CARMIL1: variants seen among roughly 807,000 people sequenced by gnomAD.
CARMIL1 encodes the protein F-actin-uncapping protein LRRC16A.
A neutral mutation model predicts 177.1 loss-of-function variants in CARMIL1; 90 were observed. The ratio of observed to expected loss-of-function variants is 0.51; its 90% confidence interval spans 0.43 to 0.61. The LOEUF is 0.61. Ranked by LOEUF, CARMIL1 falls within the 20% of genes least tolerant of loss-of-function variation. The pLI is 0.00. For missense variants in CARMIL1, 1,380 were observed against 1,667.0 expected (o/e 0.83, Z 3.00); for synonymous variants, 577 against 606.2 (o/e 0.95, Z 0.71).
intron 26 of CARMIL1, among the ~76,000 whole-genome samples, chr6:25,542,191 T>C (rs1234080746): frequency 6.6e-6 from 1 of 152,206 alleles, no homozygotes; most frequent in Admixed American, 6.5e-5. Context: ...TAATTGTCAT[T>C]TCAGCTGGTC....
intron 2 of CARMIL1, among the ~76,000 whole-genome samples, chr6:25,417,358 C>T (rs946126421): frequency 3.9e-5 from 6 of 152,170 alleles, no homozygotes; most frequent in Admixed American, 3.9e-4. Flanking sequence ...CTGTGTGTCT[C>T]ATGCAACAAA....
At chr6:25,546,669 C>CAAAAAAAAAAA (rs58285338) in intron 26 of CARMIL1, among the ~76,000 whole-genome samples, 2 of 115,482 alleles carry the variant, frequency 1.7e-5, no homozygotes, top group Non-Finnish European at 3.6e-5. Flanking sequence ...ACAACAACAA[C>CAAAAAAAAAAA]AAAAAAAAAA....
chr6:25,415,934 G>A (rs9366623), intron 2 of CARMIL1, among the ~76,000 whole-genome samples: 16,248 of 151,814 alleles, frequency 0.11, 989 homozygotes, highest in East Asian at 0.23. Flanking sequence ...GGAGCAAGAC[G>A]GGGTGGAGTG....
At chr6:25,571,414 T>G (rs1812053310) in intron 29 of CARMIL1, among the ~76,000 whole-genome samples, 1 of 152,178 alleles carries the variant, frequency 6.6e-6, no homozygotes, top group Non-Finnish European at 1.5e-5. Flanking sequence ...TTCAGAGGAA[T>G]GGCACCTAAT....
Position 25,577,845 on chromosome 6 carries a change from G to C in CARMIL1, c.2743-3079G>C, listed in dbSNP as rs140560181. Reference sequence around the variant, plus strand: ...TGGATTCTCAGAAAATAGAGTTGTGGCCTTTTTGTTCACAGTGTCTGCCAC... The same window carrying C: ...TGGATTCTCAGAAAATAGAGTTGTGCCCTTTTTGTTCACAGTGTCTGCCAC... On this transcript the variant is annotated intron_variant, in intron 29 of 36. Coordinates refer to ENST00000329474, the MANE Select transcript of CARMIL1 (RefSeq NM_017640.6). The surrounding 1 kb of genome is among the most constrained non-coding windows in gnomAD (Gnocchi z 4.5). Among the ~76,000 whole-genome samples the C allele has an allele frequency of 1.3e-5, 2 of 152,044 alleles. No homozygotes were observed. Among genetic ancestry groups the C allele is most frequent in the African/African-American group, 4.8e-5 (2 of 41,406 alleles).
intron 2 of CARMIL1, among the ~76,000 whole-genome samples, chr6:25,396,117 C>G (rs1793364532): frequency 6.6e-6 from 1 of 152,026 alleles, no homozygotes. Flanking sequence ...TTTGACAGCA[C>G]TACCTGGAGG....
intron 12 of CARMIL1, among the ~76,000 whole-genome samples, chr6:25,482,741 G>A (rs1802245042): frequency 1.3e-5 from 2 of 152,160 alleles, no homozygotes; most frequent in Admixed American, 6.5e-5. Flanking sequence ...GGCTTAACTT[G>A]TGAATCACCA....
intron 8 of CARMIL1, chr6:25,451,986 G>GCCCACC: frequency 8.9e-6 from 1 of 112,670 alleles, no homozygotes; most frequent in Admixed American, 1.1e-4. Flanking sequence ...CTAGCATCTT[G>GCCCACC]CCCCCCCCTC....
At chr6:25,578,014 G>T (rs1341821141) in intron 29 of CARMIL1, among the ~76,000 whole-genome samples, 3 of 152,084 alleles carry the variant, frequency 2.0e-5, no homozygotes, top group Admixed American at 2.0e-4. Flanking sequence ...AAAATTATAC[G>T]TTATTGCTTG....
intron 33 of CARMIL1, among the ~76,000 whole-genome samples, chr6:25,602,334 G>A (rs1815492688): frequency 6.6e-6 from 1 of 152,152 alleles, no homozygotes; most frequent in African/African-American, 2.4e-5. Context: ...GATGCCCAAG[G>A]AAATGTTAAA....
chr6:25,316,471 G>A (rs920784527), intron 2 of CARMIL1, among the ~76,000 whole-genome samples: 10 of 151,186 alleles, frequency 6.6e-5, no homozygotes, highest in Non-Finnish European at 1.3e-4. Context: ...CCAGGCTGGA[G>A]TGTGATCTCC....
At chr6:25,311,945 C>A (rs1473960027) in intron 2 of CARMIL1, among the ~76,000 whole-genome samples, 2 of 152,220 alleles carry the variant, frequency 1.3e-5, no homozygotes, top group African/African-American at 4.8e-5. Context: ...CATTATTTTT[C>A]TCTTAGTCAA....
chr6:25,497,728 T>C (rs1803879169), intron 16 of CARMIL1, among the ~76,000 whole-genome samples: 1 of 152,208 alleles, frequency 6.6e-6, no homozygotes, highest in Admixed American at 6.5e-5. Flanking sequence ...AGCAACACAA[T>C]TTCTTTTGAG....
At chr6:25,531,905 G>A (rs1335824141) in intron 24 of CARMIL1, among the ~76,000 whole-genome samples, 1 of 151,570 alleles carries the variant, frequency 6.6e-6, no homozygotes, top group African/African-American at 2.4e-5. Flanking sequence ...CGAGTAGCTG[G>A]AATTATAGTT....
Position 25,574,020 on chromosome 6 carries a change from G to A in CARMIL1, c.2743-6904G>A, listed in dbSNP as rs200579000. Among the ~76,000 whole-genome samples the A allele has an allele frequency of 2.5e-3, 388 of 152,212 alleles. 1 individual carries two copies. Among genetic ancestry groups the A allele is most frequent in the Middle Eastern group, 0.02 (6 of 294 alleles). On this transcript the variant is annotated intron_variant, in intron 29 of 36. Coordinates refer to ENST00000329474, the MANE Select transcript of CARMIL1 (RefSeq NM_017640.6). Reference sequence around the variant, plus strand: ...ACTTACACAAACAGAACAACTCCGAGTTACTTCAAGAAACTTTAAAGTTTC... The same window carrying A: ...ACTTACACAAACAGAACAACTCCGAATTACTTCAAGAAACTTTAAAGTTTC...
At position 25,495,116 on chromosome 6, in the gene CARMIL1, G is replaced by T; in HGVS notation, c.1226G>T (p.Gly409Val). ...AACTCTTGTGTTTTTTTCAGGAAAG[G>T]AAAAGAAGTACCTCCATCTTTCAAG... ...LSRTVFSHRK[G>V]KEVPPSFKQF... Residue 409 changes from glycine to valine, a missense_variant, in exon 16 of 37, where the codon GGA becomes GTA. Gly to Val is a moderately radical substitution (Grantham distance 109). Coordinates refer to ENST00000329474, the MANE Select transcript of CARMIL1 (RefSeq NM_017640.6). The T allele has an allele frequency of 6.2e-7, 1 of 1,605,250 alleles. No homozygotes were observed. The highest frequency in any genetic ancestry group is 8.5e-7 in the Non-Finnish European group (1 of 1,173,386).
chr6:25,315,854 G>A (rs772050199), intron 2 of CARMIL1, among the ~76,000 whole-genome samples: 14 of 152,160 alleles, frequency 9.2e-5, no homozygotes, highest in Admixed American at 3.3e-4. Context: ...CATGACCAGC[G>A]TCATTGCCAA....
chr6:25,542,316 C>T (rs529824608), intron 26 of CARMIL1, among the ~76,000 whole-genome samples: 5 of 152,064 alleles, frequency 3.3e-5, no homozygotes, highest in East Asian at 1.9e-4. Flanking sequence ...GGAAAATATC[C>T]GAAGTATAAC....
intron 20 of CARMIL1, among the ~76,000 whole-genome samples, chr6:25,511,437 G>A (rs1349766697): frequency 6.6e-6 from 1 of 152,116 alleles, no homozygotes; most frequent in African/African-American, 2.4e-5. Context: ...ATATTTTACT[G>A]ATGCTCTCTA....
Sources: gnomAD v4.1 joint callset for allele counts (sites outside exome capture counted in the v4.1 genomes callset) on GRCh38, gnomAD v4.1.1 for gene constraint, Gnocchi (gnomAD v3.1) non-coding constraint, MANE v1.5 for transcripts, NCBI Gene and HGNC (gene_info 2026-07-23, HGNC 2026-07-21) for gene names.